FAAH2: variants seen among roughly 807,000 people sequenced by gnomAD.
FAAH2 encodes fatty acid amide hydrolase 2.
Under a neutral mutation model 36.9 loss-of-function variants are expected in FAAH2, and 60 were observed. That is an observed-to-expected ratio of 1.63 (90% confidence interval 1.32 to 2.02). The LOEUF is 2.02. Ranked by LOEUF, FAAH2 falls within the 30% of genes most tolerant of loss-of-function variation. The pLI is 0.00. For synonymous variants in FAAH2, 214 were observed against 143.8 expected (o/e 1.49, Z -3.49); for missense variants, 689 against 397.5 (o/e 1.73, Z -6.23).
At chrX:57,190,066 C>G in the FAAH2 span, among the ~76,000 whole-genome samples, 2 of 111,838 alleles carry the variant, frequency 1.8e-5, no homozygotes, top group Admixed American at 1.9e-4. Context: ...AACCCCCTGA[C>G]TGGGGCTGGT....
chrX:57,420,628 A>T (rs949502088), intron 7 of FAAH2, among the ~76,000 whole-genome samples: 3 of 109,417 alleles, frequency 2.7e-5, no homozygotes, highest in Admixed American at 9.8e-5. Context: ...GGGCTGAGAC[A>T]ATGTGGTTTT....
At chrX:57,294,089 G>T (rs1219624574) in intron 2 of FAAH2, among the ~76,000 whole-genome samples, 1 of 111,945 alleles carries the variant, frequency 8.9e-6, no homozygotes, top group Non-Finnish European at 1.9e-5. Flanking sequence ...TTAAAACACT[G>T]GCATTAAGAT....
the FAAH2 span, among the ~76,000 whole-genome samples, chrX:57,155,204 T>A: frequency 9.0e-6 from 1 of 111,216 alleles, no homozygotes; most frequent in Non-Finnish European, 1.9e-5. Context: ...GAGGATCAGG[T>A]GGTAGGTGGG....
At chrX:57,371,780 T>G (rs1180207509) in intron 5 of FAAH2, among the ~76,000 whole-genome samples, 1 of 111,630 alleles carries the variant, frequency 9.0e-6, no homozygotes, top group Non-Finnish European at 1.9e-5. Context: ...CTGATAGGTT[T>G]TCACCATTAA....
At chrX:57,409,758 A>AT (rs767382412) in intron 7 of FAAH2, among the ~76,000 whole-genome samples, 1 of 109,988 alleles carries the variant, frequency 9.1e-6, no homozygotes, top group Non-Finnish European at 1.9e-5. Flanking sequence ...CTACTTGTTT[A>AT]TTTTTTATTT....
At chrX:57,328,264 C>T (rs1200973188) in intron 3 of FAAH2, among the ~76,000 whole-genome samples, 2 of 111,526 alleles carry the variant, frequency 1.8e-5, no homozygotes, top group African/African-American at 3.3e-5. Context: ...GGGGTGCCTC[C>T]CAGTTAGGGT....
intron 3 of FAAH2, among the ~76,000 whole-genome samples, chrX:57,328,244 C>G (rs1022879681): frequency 9.0e-6 from 1 of 111,434 alleles, no homozygotes; most frequent in African/African-American, 3.3e-5. Context: ...TGTCAGTCTG[C>G]CCCTACTTGG....
chrX:57,347,317 A>G (rs770288191), intron 5 of FAAH2, among the ~76,000 whole-genome samples: 22 of 111,314 alleles, frequency 2.0e-4, no homozygotes, highest in African/African-American at 7.2e-4. Flanking sequence ...CTAGTCTTTG[A>G]GCTCTACGAA....
At chrX:57,273,909 G>A in the FAAH2 span, among the ~76,000 whole-genome samples, 1 of 111,191 alleles carries the variant, frequency 9.0e-6, no homozygotes, top group Non-Finnish European at 1.9e-5. Context: ...ATAACTAAGA[G>A]CAGAGCAGAA....
chrX:57,449,814 G>A (rs867735526), intron 10 of FAAH2, among the ~76,000 whole-genome samples: 1 of 110,976 alleles, frequency 9.0e-6, no homozygotes, highest in Non-Finnish European at 1.9e-5. Flanking sequence ...TTACAGGAGT[G>A]TGCCACCACA....
the FAAH2 span, among the ~76,000 whole-genome samples, chrX:57,164,966 T>C: frequency 8.9e-6 from 1 of 112,688 alleles, no homozygotes; most frequent in East Asian, 2.8e-4. Flanking sequence ...CATACGGATC[T>C]ACTCTGTGTA....
Position 57,389,739 on chromosome X carries a change from C to T in FAAH2, c.996+8710C>T, listed in dbSNP as rs545655751. On this transcript the variant is annotated intron_variant, in intron 7 of 10. Coordinates refer to ENST00000374900, the MANE Select transcript of FAAH2 (RefSeq NM_174912.4). The stretch of plus-strand genomic sequence containing the variant: ...GAATTACTTCAAATATATTACTAGA[C>T]GTAGCATTGCTGGATCATATGGTAG... Among the ~76,000 whole-genome samples the T allele has an allele frequency of 1.1e-4, 12 of 110,926 alleles. No individual in the cohort carries two copies. In the East Asian group the frequency reaches 1.1e-3, roughly 10 times the overall value.
chrX:57,449,554 T>C (rs1461483915), intron 10 of FAAH2, among the ~76,000 whole-genome samples: 1 of 111,608 alleles, frequency 9.0e-6, no homozygotes, highest in Non-Finnish European at 1.9e-5. Flanking sequence ...TTGTGGAGGA[T>C]GAGGGAGAGG....
chrX:57,132,277 C>T, the FAAH2 span, among the ~76,000 whole-genome samples: 8 of 111,798 alleles, frequency 7.2e-5, no homozygotes, highest in Admixed American at 9.5e-5. Flanking sequence ...CAGTGGTTTC[C>T]GATATAATGG....
chrX:57,428,482 T>G (rs1024646832), intron 7 of FAAH2, among the ~76,000 whole-genome samples: 1 of 111,769 alleles, frequency 8.9e-6, no homozygotes, highest in Non-Finnish European at 1.9e-5. Flanking sequence ...CATTACCTAA[T>G]TTCAAATTAT....
At chrX:57,378,821 A>G in intron 6 of FAAH2, 35 bp downstream of exon 6, 1 of 1,170,988 alleles carries the variant, frequency 8.5e-7, no homozygotes, top group South Asian at 1.9e-5. Context: ...TTGGACTCTT[A>G]TCCTGACATT....
chrX:57,196,695 C>T, the FAAH2 span, among the ~76,000 whole-genome samples: 1 of 111,724 alleles, frequency 9.0e-6, no homozygotes, highest in Non-Finnish European at 1.9e-5. Flanking sequence ...TGTGGATATG[C>T]AATAGATAGC....
At chrX:57,325,804 A>G (rs1212672625) in intron 3 of FAAH2, among the ~76,000 whole-genome samples, 1 of 41,402 alleles carries the variant, frequency 2.4e-5, no homozygotes, top group Non-Finnish European at 4.3e-5. Flanking sequence ...GGATTCATTG[A>G]TTTTTTTGAA....
At chrX:57,211,104 T>A in the FAAH2 span, among the ~76,000 whole-genome samples, 27,817 of 111,225 alleles carry the variant, frequency 0.25, 2,699 homozygotes, top group Middle Eastern at 0.55. Context: ...AAAGAGCTGA[T>A]AAGTGGAGAG....
Sources: allele counts gnomAD v4.1 joint callset (sites outside exome capture counted in the v4.1 genomes callset), GRCh38; gene constraint gnomAD v4.1.1; transcripts MANE v1.5; gene names NCBI Gene and HGNC (gene_info 2026-07-23, HGNC 2026-07-21).